The following ELF2 variants were observed in gnomAD, a reference collection of about 807,000 sequenced individuals.
ELF2 encodes the protein ETS-related transcription factor Elf-2.
ELF2 carries 11 observed loss-of-function variants against 54.8 expected under a neutral mutation model. That is an observed-to-expected ratio of 0.20 (90% CI 0.13 to 0.33). ELF2 has a LOEUF of 0.33. Among genes scored for constraint, ELF2 ranks in the 10% least tolerant of loss-of-function variants. ELF2 has a pLI of 1.00. For synonymous variants in ELF2, 203 were observed against 245.1 expected (o/e 0.83, Z 1.61); for missense variants, 513 against 703.0 (o/e 0.73, Z 3.06).
At chr4:139,067,468 C>T (rs933590477) in intron 7 of ELF2, 4 of 505,566 alleles carry the variant, frequency 7.9e-6, no homozygotes, top group South Asian at 3.1e-5. Context: ...CCCCATGATA[C>T]AACTATGGTT....
chr4:139,080,944 A>G (rs866574308), intron 4 of ELF2, among the ~76,000 whole-genome samples: 112 of 120,714 alleles, frequency 9.3e-4, no homozygotes, highest in African/African-American at 3.2e-3. Context: ...GTAATATTAG[A>G]AAAAAAAAAA....
At chr4:139,170,000 T>C (rs1486627215) in intron 1 of ELF2, among the ~76,000 whole-genome samples, 1 of 152,174 alleles carries the variant, frequency 6.6e-6, no homozygotes, top group Non-Finnish European at 1.5e-5. Flanking sequence ...TTACTTAGGT[T>C]GACAGAACCA....
intron 9 of ELF2, among the ~76,000 whole-genome samples, 199 bp downstream of exon 9, chr4:139,060,125 T>C (rs546205797): frequency 2.0e-5 from 3 of 152,326 alleles, no homozygotes; most frequent in Non-Finnish European, 4.4e-5. Flanking sequence ...GCTATGATTA[T>C]AGGCGTGAAC....
intron 1 of ELF2, among the ~76,000 whole-genome samples, chr4:139,171,625 A>T (rs958923226): frequency 3.3e-5 from 5 of 151,750 alleles, no homozygotes; most frequent in Non-Finnish European, 7.4e-5. Flanking sequence ...AAAAAACACA[A>T]CAAATTAACA....
chr4:139,077,185 G>A (rs753606912), intron 4 of ELF2, among the ~76,000 whole-genome samples: 1 of 151,878 alleles, frequency 6.6e-6, no homozygotes, highest in Non-Finnish European at 1.5e-5. Context: ...TTCAGATTTC[G>A]AATTTAAAAA....
At chr4:139,075,839 C>A (rs1316454148) in intron 4 of ELF2, among the ~76,000 whole-genome samples, 1 of 152,124 alleles carries the variant, frequency 6.6e-6, no homozygotes, top group East Asian at 1.9e-4. Flanking sequence ...CACATCCTGA[C>A]TTAAAATGTT....
At chr4:139,115,336 C>G (rs943908427) in intron 4 of ELF2, 19 of 1,417,824 alleles carry the variant, frequency 1.3e-5, no homozygotes, top group Non-Finnish European at 1.7e-5. Flanking sequence ...GGGCCGGGGT[C>G]GCCAACGCCG....
At chr4:139,070,085 C>T (rs1729297582) in intron 6 of ELF2, among the ~76,000 whole-genome samples, 1 of 152,006 alleles carries the variant, frequency 6.6e-6, no homozygotes, top group South Asian at 2.1e-4. Flanking sequence ...TCAAGCAATC[C>T]TCCTGCCTCA....
At chr4:139,161,743 G>A (rs947211911) in intron 1 of ELF2, among the ~76,000 whole-genome samples, 12 of 151,198 alleles carry the variant, frequency 7.9e-5, no homozygotes, top group African/African-American at 1.2e-4. Context: ...GGCTGAGACG[G>A]GCGAATCACC....
intron 4 of ELF2, among the ~76,000 whole-genome samples, chr4:139,113,306 C>T (rs1005270872): frequency 2.6e-5 from 4 of 152,116 alleles, no homozygotes; most frequent in African/African-American, 9.7e-5. Context: ...TCCAGTGAGC[C>T]ATGATCATAC....
At chr4:139,077,062 C>T (rs1324013284) in intron 4 of ELF2, among the ~76,000 whole-genome samples, 1 of 152,044 alleles carries the variant, frequency 6.6e-6, no homozygotes, top group African/African-American at 2.4e-5. Context: ...TACCATGTGC[C>T]CAGACCCTGT....
At chr4:139,136,788 CCGAGTAG>C (rs1738210535) in intron 3 of ELF2, 2 of 152,084 alleles carry the variant, frequency 1.3e-5, no homozygotes, top group South Asian at 4.1e-4. Context: ...CCTCAGCCTC[CCGAGTAG>C]CTGGGACTAC....
chr4:139,097,417 A>C (rs1471519025), intron 4 of ELF2, among the ~76,000 whole-genome samples: 1 of 152,182 alleles, frequency 6.6e-6, no homozygotes, highest in Non-Finnish European at 1.5e-5. Flanking sequence ...GGAGTTTAAG[A>C]CCAGCCTGGC....
intron 4 of ELF2, 53 bp from the exon 5 acceptor site, chr4:139,073,620 A>T: frequency 1.0e-6 from 1 of 999,412 alleles, no homozygotes; most frequent in Non-Finnish European, 1.4e-6. Context: ...CACATGACTA[A>T]AACATATTAC....
In ELF2 at chr4:139,149,364, C is replaced by A. The variant is rs537974834; in HGVS notation, c.-251-9867G>T. The stretch of plus-strand genomic sequence containing the variant: ...TGGTGGCTCACGCCTGTAATCCCAT[C>A]ACTTTGGGATGCCGAGGCAGGTGGA... On this transcript the variant is annotated intron_variant, in intron 1 of 9. Transcript: ENST00000686138. Among the ~76,000 whole-genome samples the A allele has an allele frequency of 1.2e-3, 182 of 152,278 alleles. 1 individual carries two copies. The highest frequency in any genetic ancestry group is 4.3e-3 in the African/African-American group (178 of 41,540).
At chr4:139,065,468 C>A (rs1433592121) in intron 7 of ELF2, among the ~76,000 whole-genome samples, 4 of 151,946 alleles carry the variant, frequency 2.6e-5, no homozygotes, top group Non-Finnish European at 4.4e-5. Context: ...AGAGTGAGAC[C>A]CTGTCTCTAT....
chr4:139,082,853 C>T (rs1160219395), intron 4 of ELF2, among the ~76,000 whole-genome samples: 1 of 152,210 alleles, frequency 6.6e-6, no homozygotes, highest in African/African-American at 2.4e-5. Context: ...CTACATCGAT[C>T]CAGGGCCCTC....
chr4:139,066,499 G>T (rs72724710), intron 7 of ELF2: 26,238 of 151,840 alleles, frequency 0.17, 2,805 homozygotes, highest in South Asian at 0.34. Context: ...AAAAAGAAAT[G>T]TTACTTGAAA....
chr4:139,083,435 G>C (rs1248937008), intron 4 of ELF2, among the ~76,000 whole-genome samples: 1 of 152,202 alleles, frequency 6.6e-6, no homozygotes, highest in African/African-American at 2.4e-5. Context: ...ATGAGCAAAG[G>C]GAGGCGGGCC....
Sources: gnomAD v4.1 joint callset for allele counts (sites outside exome capture counted in the v4.1 genomes callset) on GRCh38, gnomAD v4.1.1 for gene constraint, MANE v1.5 for transcripts, NCBI Gene and HGNC (gene_info 2026-07-23, HGNC 2026-07-21) for gene names.